The following NRXN3 variants were observed in gnomAD, a reference collection of about 807,000 sequenced individuals.
NRXN3 encodes neurexin III.
A neutral mutation model predicts 137.6 loss-of-function variants in NRXN3; 32 were observed. That is an observed-to-expected ratio of 0.23 (90% CI 0.18 to 0.31). The LOEUF is 0.31. NRXN3 is among the 10% of genes least tolerant of loss of function. The probability of loss-of-function intolerance (pLI) is 1.00; values close to 1 mark genes in which losing one functional copy is unlikely to be tolerated. For missense variants in NRXN3, 1,574 were observed against 2,062.5 expected (o/e 0.76, Z 4.59); for synonymous variants, 798 against 784.5 (o/e 1.02, Z -0.29).
At chr14:79,214,831 A>G (rs1358148885) in intron 15 of NRXN3, among the ~76,000 whole-genome samples, 1 of 152,132 alleles carries the variant, frequency 6.6e-6, no homozygotes, top group Non-Finnish European at 1.5e-5. Flanking sequence ...CAAATTCTTC[A>G]TTTGTTCTTA....
At chr14:79,664,041 C>G in intron 17 of NRXN3, 92 bp downstream of exon 17, 1 of 1,286,574 alleles carries the variant, frequency 7.8e-7, no homozygotes, top group Non-Finnish European at 1.1e-6. Flanking sequence ...CACCAAATTC[C>G]AGAACACTGA....
chr14:78,918,375 T>C (rs154378), intron 10 of NRXN3, among the ~76,000 whole-genome samples: 49,130 of 150,754 alleles, frequency 0.33, 10,051 homozygotes, highest in African/African-American at 0.57. Flanking sequence ...TCTGGTCATT[T>C]CATAATAAAA....
chr14:79,090,561 T>C (rs1207635787), intron 15 of NRXN3, among the ~76,000 whole-genome samples: 2 of 152,088 alleles, frequency 1.3e-5, no homozygotes, highest in East Asian at 1.9e-4. Context: ...AAACCTCTCT[T>C]AGTTGCTTTA....
At chr14:79,165,541 A>G (rs1444356442) in intron 15 of NRXN3, among the ~76,000 whole-genome samples, 1 of 152,026 alleles carries the variant, frequency 6.6e-6, no homozygotes, top group Non-Finnish European at 1.5e-5. Context: ...CTGGGAATCT[A>G]TGCAGACACA....
intron 15 of NRXN3, among the ~76,000 whole-genome samples, chr14:79,175,337 T>C (rs1332853413): frequency 6.6e-6 from 1 of 152,184 alleles, no homozygotes; most frequent in Non-Finnish European, 1.5e-5. Context: ...ATAAACTAAG[T>C]TTAACAAGAT....
At chr14:78,880,065 C>T (rs1295360733) in intron 10 of NRXN3, among the ~76,000 whole-genome samples, 2 of 143,482 alleles carry the variant, frequency 1.4e-5, no homozygotes, top group African/African-American at 5.9e-5. Context: ...CGGTGAAACC[C>T]CGTCTCTACT....
intron 15 of NRXN3, among the ~76,000 whole-genome samples, chr14:79,308,661 T>C (rs1175894271): frequency 6.6e-6 from 1 of 152,032 alleles, no homozygotes; most frequent in South Asian, 2.1e-4. Context: ...AGATTTGATG[T>C]CTTGTGGAAT....
At position 79,137,440 on chromosome 14, in the gene NRXN3, G is replaced by A. The variant is rs867109587; in HGVS notation, c.3262+149299G>A. Among the ~76,000 whole-genome samples the A allele has an allele frequency of 6.1e-5, 4 of 65,544 alleles. No individual in the cohort carries two copies. In the South Asian group the frequency reaches 2.9e-3, roughly 48 times the overall value. The allele number at this position is 65,544 out of a possible 152,430, so 43.0% of individuals were successfully genotyped here. ...ACACGCACACATACACATACACCCC[G>A]CCTAAAAACCTGAGACATAAACAAT... On this transcript the variant is annotated intron_variant, in intron 15 of 20. Coordinates refer to ENST00000335750, the MANE Select transcript of NRXN3 (RefSeq NM_001330195.2).
rs564060777 is a variant in NRXN3, at chr14:78,751,385, C to A, written c.2044+36246C>A. Among the ~76,000 whole-genome samples the A allele has an allele frequency of 4.6e-4, 70 of 152,286 alleles. 1 individual carries two copies. The South Asian group carries it at 0.012, about 26-fold the overall frequency. The stretch of plus-strand genomic sequence containing the variant: ...TTGCCCCCCAGTGTGGTGATGTGCA[C>A]TTGGGGATAGATTAACTCAGGGGAG... On this transcript the variant is annotated intron_variant, in intron 8 of 20. Transcript: ENST00000335750.
chr14:78,373,588 C>G (rs948122892), intron 4 of NRXN3, among the ~76,000 whole-genome samples: 2 of 152,164 alleles, frequency 1.3e-5, no homozygotes, highest in Non-Finnish European at 2.9e-5. Context: ...TGGGTGTCTC[C>G]TGGATGGAAC....
chr14:78,873,743 G>A (rs1428008261), intron 10 of NRXN3, among the ~76,000 whole-genome samples: 1 of 152,146 alleles, frequency 6.6e-6, no homozygotes, highest in Admixed American at 6.5e-5. Context: ...TGGTCTAGCA[G>A]CATGCATCCC....
At chr14:79,612,697 TA>T (rs1407134581) in intron 16 of NRXN3, among the ~76,000 whole-genome samples, 2 of 152,068 alleles carry the variant, frequency 1.3e-5, no homozygotes, top group Non-Finnish European at 2.9e-5. Context: ...ATAAAAATTT[TA>T]CAATTAGTCT....
rs1052046661 is a variant in NRXN3 at position 79,069,381 on chromosome 14, T to C, written c.3262+81240T>C. 3.3e-5 allele frequency among the ~76,000 whole-genome samples: 5 copies of C among 152,066 alleles called. No individual in the cohort carries two copies. In the East Asian group the frequency reaches 9.6e-4, roughly 29 times the overall value. ...TTAAGTAATTAATTAATTCAATAAC[T>C]ATTTGCTGATCTGAACAAAGTGGAC... On this transcript the variant is annotated intron_variant, in intron 15 of 20. Transcript: ENST00000335750.
intron 6 of NRXN3, among the ~76,000 whole-genome samples, chr14:78,684,126 C>A (rs117867310): frequency 1.3e-5 from 2 of 152,146 alleles, no homozygotes; most frequent in East Asian, 1.9e-4. Context: ...CCTCTCTTCT[C>A]TGACTGTATT....
chr14:79,477,061 T>C (rs1276049125), intron 16 of NRXN3, among the ~76,000 whole-genome samples: 1 of 151,968 alleles, frequency 6.6e-6, no homozygotes, highest in Non-Finnish European at 1.5e-5. Flanking sequence ...CGAATCTTTT[T>C]AAAAACAGAA....
chr14:79,442,160 C>T (rs2095974852), intron 15 of NRXN3, among the ~76,000 whole-genome samples: 2 of 152,256 alleles, frequency 1.3e-5, no homozygotes, highest in South Asian at 4.1e-4. Flanking sequence ...CAAAATAATA[C>T]TAATGCTAAT....
At chr14:79,390,744 C>T (rs1192721553) in intron 15 of NRXN3, among the ~76,000 whole-genome samples, 6 of 152,084 alleles carry the variant, frequency 3.9e-5, no homozygotes, top group African/African-American at 7.2e-5. Flanking sequence ...AATCAACCTG[C>T]GTTTACCTGA....
At chr14:79,517,075 T>C (rs1357479912) in intron 16 of NRXN3, among the ~76,000 whole-genome samples, 3 of 141,330 alleles carry the variant, frequency 2.1e-5, no homozygotes. Context: ...CCTTGAGAAG[T>C]ATTACACAAA....
intron 10 of NRXN3, among the ~76,000 whole-genome samples, chr14:78,840,966 C>G (rs543294618): frequency 6.6e-6 from 1 of 152,276 alleles, no homozygotes; most frequent in East Asian, 1.9e-4. Flanking sequence ...TCTTTACTGA[C>G]TTATGAGGTG....
Sources: gnomAD v4.1 joint callset for allele counts (sites outside exome capture counted in the v4.1 genomes callset) on GRCh38, gnomAD v4.1.1 for gene constraint, MANE v1.5 for transcripts, NCBI Gene and HGNC (gene_info 2026-07-23, HGNC 2026-07-21) for gene names.